Variants in CFAP20DC observed in about 807,000 individuals in gnomAD.
The protein encoded by CFAP20DC is CFAP20 domain containing, also known as protein CFAP20DC.
A neutral mutation model predicts 101.7 loss-of-function variants in CFAP20DC; 84 were observed. The observed-to-expected ratio is 0.83, with a 90% CI of 0.69 to 0.99. The LOEUF is 0.99. Ranked by LOEUF, CFAP20DC falls within the 50% of genes least tolerant of loss-of-function variation. The pLI, the probability that CFAP20DC is intolerant of heterozygous loss-of-function variation, is 0.00. For missense variants in CFAP20DC, 1,007 were observed against 970.3 expected (o/e 1.04, Z -0.50); for synonymous variants, 359 against 351.2 (o/e 1.02, Z -0.25).
In CFAP20DC at chr3:58,963,190, TTGTGTG is replaced by T. The variant is rs56234919; in HGVS notation, c.279-25434_279-25429del. Reference sequence around the variant, plus strand: ...ATACTTCTTCTCAAGGTTCAGTAGTTTGTGTGTGTGTGTGTGTGTGTGTGTGTGTGT... The same window carrying T: ...ATACTTCTTCTCAAGGTTCAGTAGTTTGTGTGTGTGTGTGTGTGTGTGTGT... On this transcript the variant is annotated intron_variant, in intron 4 of 16. Transcript: ENST00000482387. Among the ~76,000 whole-genome samples the T allele has an allele frequency of 4.8e-3, 566 of 118,286 alleles. 3 individuals carry two copies. Among genetic ancestry groups the T allele is most frequent in the African/African-American group, 0.011 (354 of 33,072 alleles). 77.6% of individuals were successfully genotyped at this position (118,286 alleles called of 152,430 possible). A position where few individuals can be genotyped will look rare whatever the true frequency, so the allele number is the denominator to read the frequency against.
intron 7 of CFAP20DC, among the ~76,000 whole-genome samples, chr3:58,870,636 C>T (rs1365378841): frequency 6.7e-6 from 1 of 150,260 alleles, no homozygotes; most frequent in Non-Finnish European, 1.5e-5. Context: ...CGCCTGTAAT[C>T]CCAGCACTTT....
In CFAP20DC at chr3:58,913,784, A is replaced by G. The variant is rs1211046899; in HGVS notation, c.474T>C (p.Ile158=). The stretch of plus-strand genomic sequence containing the variant: ...GTAGCTTACAGTTAGCTGAGACAAC[A>G]ATTCCATCCAATGACTGGAAAACTG... ...KGAVFQSLDG[I]VVSANCKLRK... is the part of the protein sequence containing the mutation. The change falls in exon 6 of 17, where the codon ATT becomes ATC. Residue 158 remains isoleucine (I), a synonymous_variant. Transcript: ENST00000482387. The surrounding 1 kb of genome is among the most constrained non-coding windows in gnomAD (Gnocchi z 4.4). 6.2e-7 allele frequency: 1 copy of G among 1,613,686 alleles called. No homozygotes were observed. Among genetic ancestry groups the G allele is most frequent in the Non-Finnish European group, 8.5e-7 (1 of 1,179,746 alleles).
chr3:58,997,290 C>T (rs1462821214), intron 4 of CFAP20DC, among the ~76,000 whole-genome samples: 1 of 152,176 alleles, frequency 6.6e-6, no homozygotes, highest in East Asian at 1.9e-4. Flanking sequence ...ATTATTATCT[C>T]TACCCTATAG....
At chr3:58,848,166 A>G (rs1165478093) in intron 13 of CFAP20DC, among the ~76,000 whole-genome samples, 1 of 18,134 alleles carries the variant, frequency 5.5e-5, no homozygotes, top group Non-Finnish European at 9.6e-5. Context: ...TTAAAGTATA[A>G]TTAAAAAAAA....
intron 4 of CFAP20DC, among the ~76,000 whole-genome samples, chr3:58,946,660 A>G (rs1368450445): frequency 6.6e-6 from 1 of 152,164 alleles, no homozygotes; most frequent in African/African-American, 2.4e-5. Context: ...AAAAATGTGC[A>G]GGACAGAAAC....
At chr3:59,043,232 C>T (rs758309666) in intron 3 of CFAP20DC, among the ~76,000 whole-genome samples, 4 of 150,010 alleles carry the variant, frequency 2.7e-5, no homozygotes, top group South Asian at 2.1e-4. Context: ...AGTCCAGGGA[C>T]GCTGCAACAT....
At chr3:58,989,210 A>G in intron 4 of CFAP20DC, among the ~76,000 whole-genome samples, 1 of 152,136 alleles carries the variant, frequency 6.6e-6, no homozygotes, top group East Asian at 1.9e-4. Flanking sequence ...AAAAATCCAG[A>G]TGATGATGTA....
At position 58,843,125 on chromosome 3, in the gene CFAP20DC, C is replaced by T. The variant is rs1010297581; in HGVS notation, c.1971+5907G>A. Among the ~76,000 whole-genome samples the T allele has an allele frequency of 2.8e-4, 42 of 152,314 alleles. 1 individual carries two copies. The highest frequency in any genetic ancestry group is 9.1e-4 in the African/African-American group (38 of 41,558). On this transcript the variant is annotated intron_variant, in intron 13 of 16. Coordinates refer to ENST00000482387, the MANE Select transcript of CFAP20DC (RefSeq NM_001394063.1). Reference sequence around the variant, plus strand: ...GAGCGCCTCTCTTCCTCCAAAGGAACACAGTTCCTCACCAGCAACGGAATA... The same window carrying T: ...GAGCGCCTCTCTTCCTCCAAAGGAATACAGTTCCTCACCAGCAACGGAATA...
At chr3:58,925,345 G>C (rs1447344701) in intron 5 of CFAP20DC, among the ~76,000 whole-genome samples, 1 of 152,086 alleles carries the variant, frequency 6.6e-6, no homozygotes, top group East Asian at 1.9e-4. Context: ...TCCTCCAGTA[G>C]TACTTATAAG....
chr3:58,931,128 C>G (rs1005219503), intron 5 of CFAP20DC, among the ~76,000 whole-genome samples: 1 of 152,214 alleles, frequency 6.6e-6, no homozygotes, highest in Non-Finnish European at 1.5e-5. Context: ...TATCACACAC[C>G]TGGCTCGGAG....
At chr3:58,924,657 T>C (rs1280022250) in intron 5 of CFAP20DC, among the ~76,000 whole-genome samples, 1 of 152,192 alleles carries the variant, frequency 6.6e-6, no homozygotes, top group African/African-American at 2.4e-5. Flanking sequence ...TCCACAGTGT[T>C]TTCCATAGAG....
intron 4 of CFAP20DC, among the ~76,000 whole-genome samples, chr3:58,958,958 T>C (rs1170513004): frequency 6.6e-6 from 1 of 151,974 alleles, no homozygotes; most frequent in Admixed American, 6.6e-5. Flanking sequence ...AAAATGTTGA[T>C]AATGTCCAAT....
chr3:58,816,938 G>A (rs978212395), intron 14 of CFAP20DC, among the ~76,000 whole-genome samples: 12 of 152,312 alleles, frequency 7.9e-5, no homozygotes, highest in African/African-American at 2.9e-4. Context: ...CGCAGCTGGA[G>A]ATCTGAGAAC....
intron 12 of CFAP20DC, among the ~76,000 whole-genome samples, chr3:58,858,724 T>C (rs899270503): frequency 1.3e-5 from 2 of 152,214 alleles, no homozygotes; most frequent in Non-Finnish European, 2.9e-5. Context: ...ACACTTTTGA[T>C]GGTAGTTTTG....
chr3:58,964,132 C>T lies in CFAP20DC; in HGVS notation c.279-26370G>A, dbSNP rs2091361652. Among the ~76,000 whole-genome samples the T allele has an allele frequency of 6.6e-6, 1 of 152,212 alleles. No individual in the cohort carries two copies. The highest frequency in any genetic ancestry group is 2.4e-5 in the African/African-American group (1 of 41,450). On this transcript the variant is annotated intron_variant, in intron 4 of 16. Coordinates refer to ENST00000482387, the MANE Select transcript of CFAP20DC (RefSeq NM_001394063.1). This position sits in a 1 kb window ranked among gnomAD's most constrained non-coding sequence, Gnocchi z 4.1. ...ATAAGCAATACTGAAGCAGCTGCAG[C>T]TTGCCAACCACCAGACACTTTCTGA... is the stretch of plus-strand genomic sequence containing the variant.
rs868271457 is a variant in CFAP20DC at position 58,720,971 on chromosome 3, G to C, written c.198-3343C>G. On this transcript the variant is annotated intron_variant, in intron 3 of 3. Coordinates refer to the CFAP20DC transcript ENST00000486145. ...GCTTGGGATGCGGCACTTGGGGAGG[G>C]TGGCGGGAGAGGAGAAGCACTTGGT... 2.4e-4 allele frequency among the ~76,000 whole-genome samples: 37 copies of C among 152,332 alleles called. No individual in the cohort carries two copies. The Middle Eastern group carries it at 0.01, about 42-fold the overall frequency.
chr3:59,049,514 T>C (rs1700142689), intron 1 of CFAP20DC, 97 bp downstream of exon 1: 3 of 1,137,426 alleles, frequency 2.6e-6, no homozygotes, highest in South Asian at 2.6e-5. Context: ...GACCTTATTA[T>C]GGGGATAGAG....
Position 58,863,213 on chromosome 3 carries a change from C to A in CFAP20DC, c.1593+345G>T. On this transcript the variant is annotated intron_variant, in intron 12 of 16. Coordinates refer to ENST00000482387, the MANE Select transcript of CFAP20DC (RefSeq NM_001394063.1). The surrounding 1 kb of genome is among the most constrained non-coding windows in gnomAD (Gnocchi z 5.9). ...ACTGCAACACAATTTCTCCAGAGAT[C>A]TAGAACAGTATATTCTCAGTGTTTT... 2 of 1,255,842 alleles carry A rather than the reference C, an allele frequency of 1.6e-6. No individual in the cohort carries two copies. Among genetic ancestry groups the A allele is most frequent in the Non-Finnish European group, 2.0e-6 (2 of 1,002,540 alleles). The allele number at this position is 1,255,842 out of a possible 1,614,324, so 77.8% of individuals were successfully genotyped here. A position where few individuals can be genotyped will look rare whatever the true frequency, so the allele number is the denominator to read the frequency against.
Position 58,742,278 on chromosome 3 carries a change from A to T in CFAP20DC, c.*182T>A. 11 of 1,173,728 alleles carry T rather than the reference A, an allele frequency of 9.4e-6. No individual in the cohort carries two copies. The highest frequency in any genetic ancestry group is 1.2e-5 in the Non-Finnish European group (11 of 947,628). 72.7% of individuals were successfully genotyped at this position (1,173,728 alleles called of 1,614,324 possible). A position where few individuals can be genotyped will look rare whatever the true frequency, so the allele number is the denominator to read the frequency against. On this transcript the variant is annotated 3_prime_UTR_variant, in exon 17 of 17. Transcript: ENST00000482387. Reference sequence around the variant, plus strand: ...TTTCTTCAGTTTCAAAATCATACTCATCTACAAAAGGAATATAGGTATTCT... The same window carrying T: ...TTTCTTCAGTTTCAAAATCATACTCTTCTACAAAAGGAATATAGGTATTCT...
Sources: allele counts gnomAD v4.1 joint callset (sites outside exome capture counted in the v4.1 genomes callset), GRCh38; gene constraint gnomAD v4.1.1; non-coding constraint Gnocchi (gnomAD v3.1); transcripts MANE v1.5; gene names NCBI Gene and HGNC (gene_info 2026-07-23, HGNC 2026-07-21).